CD200R1: variants seen among roughly 807,000 people sequenced by gnomAD.
The protein encoded by CD200R1 is cell surface glycoprotein CD200 receptor 1.
CD200R1 carries 30 observed loss-of-function variants against 38.1 expected under a neutral mutation model. That is an observed-to-expected ratio of 0.79 (90% CI 0.59 to 1.07). The LOEUF (loss-of-function observed/expected upper bound fraction) is 1.07, where lower values mean the gene tolerates loss of function less well. Among genes scored for constraint, CD200R1 ranks in the 50% least tolerant of loss-of-function variants. The pLI, the probability that CD200R1 is intolerant of heterozygous loss-of-function variation, is 0.00. For missense variants in CD200R1, 372 were observed against 415.4 expected, an observed-to-expected ratio of 0.90 and a Z score of 0.91; for synonymous variants, 128 against 152.1, an observed-to-expected ratio of 0.84 and a Z score of 1.16.
At chr3:112,945,904 T>A (rs959573259) in intron 2 of CD200R1, among the ~76,000 whole-genome samples, 1 of 151,914 alleles carries the variant, frequency 6.6e-6, no homozygotes, top group Non-Finnish European at 1.5e-5. Context: ...AGCTGGCGCC[T>A]GTAGTCCCAG....
intron 1 of CD200R1, among the ~76,000 whole-genome samples, chr3:112,949,262 G>A (rs1940927300): frequency 6.6e-6 from 1 of 152,228 alleles, no homozygotes; most frequent in Non-Finnish European, 1.5e-5. Context: ...TGTTCACAAG[G>A]AAAAGATACA....
intron 5 of CD200R1, among the ~76,000 whole-genome samples, chr3:112,926,228 C>G (rs1940278465): frequency 6.6e-6 from 1 of 152,142 alleles, no homozygotes; most frequent in African/African-American, 2.4e-5. Context: ...GCCTGAGAGG[C>G]AACGATTTGC....
chr3:112,942,457 G>T (rs918462542), intron 2 of CD200R1, among the ~76,000 whole-genome samples: 1 of 151,540 alleles, frequency 6.6e-6, no homozygotes, highest in Non-Finnish European at 1.5e-5. Context: ...AGTAAAAATA[G>T]AAATATAACT....
intron 2 of CD200R1, among the ~76,000 whole-genome samples, chr3:112,937,595 C>A (rs1464221434): frequency 6.6e-6 from 1 of 152,062 alleles, no homozygotes; most frequent in Non-Finnish European, 1.5e-5. Context: ...TTACTGTAGC[C>A]CTATAGTATA....
chr3:112,961,179 C>G (rs1038431077), intron 1 of CD200R1, among the ~76,000 whole-genome samples: 1 of 152,002 alleles, frequency 6.6e-6, no homozygotes, highest in Non-Finnish European at 1.5e-5. Context: ...CCCCTGGAAT[C>G]TCGCAGGGGT....
chr3:112,949,770 T>C (rs1056473048), intron 1 of CD200R1, among the ~76,000 whole-genome samples: 1 of 152,186 alleles, frequency 6.6e-6, no homozygotes, highest in Non-Finnish European at 1.5e-5. Flanking sequence ...GCAGATCGCA[T>C]GGCAAGTCCA....
chr3:112,960,475 A>G (rs1332822007), intron 1 of CD200R1, among the ~76,000 whole-genome samples: 1 of 152,070 alleles, frequency 6.6e-6, no homozygotes, highest in Non-Finnish European at 1.5e-5. Context: ...AAATTTTAGG[A>G]TAAAAGTTAT....
chr3:112,954,721 A>G (rs1044887080), intron 1 of CD200R1, among the ~76,000 whole-genome samples: 1 of 152,214 alleles, frequency 6.6e-6, no homozygotes, highest in Non-Finnish European at 1.5e-5. Flanking sequence ...ACCCGGAAAG[A>G]GCATGGGAAT....
At chr3:112,972,773 C>A (rs1933342460) in intron 1 of CD200R1, among the ~76,000 whole-genome samples, 1 of 152,182 alleles carries the variant, frequency 6.6e-6, no homozygotes, top group Non-Finnish European at 1.5e-5. Context: ...CTATGTTTTA[C>A]ATTTAAGTCA....
intron 5 of CD200R1, among the ~76,000 whole-genome samples, chr3:112,926,020 T>C (rs1940271752): frequency 6.6e-6 from 1 of 151,754 alleles, no homozygotes; most frequent in East Asian, 2.1e-4. Flanking sequence ...CACTCTGTTA[T>C]AGCAGAGTGT....
At chr3:112,948,913 GTT>G (rs1940920242) in intron 1 of CD200R1, among the ~76,000 whole-genome samples, 1 of 152,200 alleles carries the variant, frequency 6.6e-6, no homozygotes, top group Non-Finnish European at 1.5e-5. Context: ...ATAATGCAAA[GTT>G]TTCAGTGCAA....
intron 1 of CD200R1, among the ~76,000 whole-genome samples, chr3:112,956,767 C>T (rs551412626): frequency 2.0e-5 from 3 of 152,302 alleles, no homozygotes; most frequent in African/African-American, 7.2e-5. Flanking sequence ...AAGCCTAGTA[C>T]TACTATGGCC....
chr3:112,934,765 G>A (rs1376970273), intron 2 of CD200R1, among the ~76,000 whole-genome samples: 1 of 152,108 alleles, frequency 6.6e-6, no homozygotes, highest in East Asian at 1.9e-4. Flanking sequence ...GGGAAGCAGA[G>A]GTTGCAGTGA....
In CD200R1 at chr3:112,974,776, A is replaced by G; in HGVS notation, c.67+15T>C. ...CAGGTTTCTCACTGTTCTCCCAAAGAGAATTCAAACTTACCGGCCACTAAG... is the reference window on the plus strand; with the variant it reads ...CAGGTTTCTCACTGTTCTCCCAAAGGGAATTCAAACTTACCGGCCACTAAG... On this transcript the variant is annotated intron_variant, in intron 1 of 7. Transcript: ENST00000308611. 2.5e-6 allele frequency: 4 copies of G among 1,574,360 alleles called. No individual in the cohort carries two copies. Among genetic ancestry groups the G allele is most frequent in the Non-Finnish European group, 3.5e-6 (4 of 1,143,812 alleles).
chr3:112,950,174 T>C (rs1212769340), intron 1 of CD200R1, among the ~76,000 whole-genome samples: 1 of 152,198 alleles, frequency 6.6e-6, no homozygotes, highest in East Asian at 1.9e-4. Flanking sequence ...TAGGTATGTC[T>C]GTATGTTGGT....
At chr3:112,935,573 C>T (rs974695686) in intron 2 of CD200R1, among the ~76,000 whole-genome samples, 2 of 152,098 alleles carry the variant, frequency 1.3e-5, no homozygotes, top group Admixed American at 6.6e-5. Context: ...CTAAGGGATA[C>T]AGCAAAAGCA....
chr3:112,954,596 T>C (rs1261938591), intron 1 of CD200R1, among the ~76,000 whole-genome samples: 6 of 152,152 alleles, frequency 3.9e-5, no homozygotes, highest in African/African-American at 1.2e-4. Flanking sequence ...TGATCACCAA[T>C]GGCCAATGGC....
At chr3:112,968,076 G>A (rs1206995254) in intron 1 of CD200R1, among the ~76,000 whole-genome samples, 1 of 152,186 alleles carries the variant, frequency 6.6e-6, no homozygotes, top group East Asian at 1.9e-4. Context: ...ACAGCTAGTG[G>A]TTAGAATTAC....
chr3:112,970,871 G>C (rs1247618149), intron 1 of CD200R1, among the ~76,000 whole-genome samples: 2 of 152,084 alleles, frequency 1.3e-5, no homozygotes, highest in African/African-American at 4.8e-5. Flanking sequence ...GCACTCAATT[G>C]ATACTCCACT....
Sources: gnomAD v4.1 joint callset for allele counts (sites outside exome capture counted in the v4.1 genomes callset) on GRCh38, gnomAD v4.1.1 for gene constraint, MANE v1.5 for transcripts, NCBI Gene and HGNC (gene_info 2026-07-23, HGNC 2026-07-21) for gene names.